The following CACNA1S variants were observed in gnomAD, a reference collection of about 807,000 sequenced individuals.
The protein encoded by CACNA1S is calcium voltage-gated channel subunit alpha1 S, also known as voltage-dependent L-type calcium channel subunit alpha-1S.
A neutral mutation model predicts 207.4 loss-of-function variants in CACNA1S; 126 were observed. The ratio of observed to expected loss-of-function variants is 0.61; its 90% CI spans 0.53 to 0.70. The LOEUF is 0.70. Ranked by LOEUF, CACNA1S falls within the 30% of genes least tolerant of loss-of-function variation. The pLI, the probability that CACNA1S is intolerant of heterozygous loss-of-function variation, is 0.00. For missense variants in CACNA1S, 2,349 were observed against 2,422.8 expected (o/e 0.97, Z 0.64); for synonymous variants, 960 against 932.7 (o/e 1.03, Z -0.53).
At chr1:201,101,644 T>C (rs567484222) in intron 2 of CACNA1S, among the ~76,000 whole-genome samples, 2 of 152,266 alleles carry the variant, frequency 1.3e-5, no homozygotes, top group East Asian at 3.9e-4. Flanking sequence ...ACACACCTTC[T>C]GGTGTCTGAT....
intron 4 of CACNA1S, 61 bp downstream of exon 4, chr1:201,091,911 T>C: frequency 6.2e-7 from 1 of 1,610,622 alleles, no homozygotes; most frequent in African/African-American, 1.3e-5. Context: ...GACCCAGAAC[T>C]GGGGGACAAG....
intron 10 of CACNA1S, among the ~76,000 whole-genome samples, chr1:201,080,742 GTT>G (rs1235311943): frequency 6.7e-6 from 1 of 148,574 alleles, no homozygotes; most frequent in Non-Finnish European, 1.5e-5. Flanking sequence ...GTTTTTTTTT[GTT>G]GTTGTTTGTT....
At chr1:201,044,258 C>A (rs1351871247) in intron 39 of CACNA1S, 70 bp downstream of exon 39, 2 of 1,597,986 alleles carry the variant, frequency 1.3e-6, no homozygotes, top group Non-Finnish European at 1.7e-6. Context: ...GGGCTCCCAG[C>A]CCTCCTCTCT....
At chr1:201,071,654 C>G (rs1661438692) in intron 16 of CACNA1S, among the ~76,000 whole-genome samples, 1 of 152,190 alleles carries the variant, frequency 6.6e-6, no homozygotes, top group Admixed American at 6.5e-5. Context: ...TTCTTTCCAG[C>G]CCCTTCCTTG....
Position 201,112,240 on chromosome 1 carries a change from G to C in CACNA1S, c.100C>G (p.Leu34Val), listed in dbSNP as rs1408297288. The C allele has an allele frequency of 1.7e-5, 28 of 1,613,866 alleles. No homozygotes were observed. The highest frequency in any genetic ancestry group is 2.2e-5 in the Non-Finnish European group (26 of 1,180,002). The change falls in exon 1 of 44, where the codon CTG (leucine) becomes GTG (valine). Residue 34 changes from leucine (L) to valine (V), a missense_variant. Physicochemically the swap from Leu to Val is conservative, Grantham distance 32. Coordinates refer to ENST00000362061, the MANE Select transcript of CACNA1S (RefSeq NM_000069.3). ...TTCCTCAGGGGGTTCTCCAGGGTCA[G>C]GCAGAACAAGGCCCGGGGTGGCCTT... ...LPRPPRALFCLTLENPLRKAC... is the reference protein window; with the variant it reads ...LPRPPRALFCVTLENPLRKAC...
In CACNA1S at chr1:201,066,981, C is replaced by T. The variant is rs1475667465; in HGVS notation, c.2563G>A (p.Gly855Arg). The part of the protein sequence containing the change: ...VEIVLKMTTY[G>R]AFLHKGSFCR... The stretch of plus-strand genomic sequence containing the variant: ...AAGGAACCCTTGTGCAGGAAGGCTC[C>T]GTAGGTCGTCATCTGGGGAGAAAGA... Residue 855 changes from glycine to arginine, a missense_variant, in exon 20 of 44, where the codon GGA (glycine) becomes AGA (arginine). Transcript: ENST00000362061. The surrounding 1 kb of genome is among the most constrained non-coding windows in gnomAD (Gnocchi z 4.3). The T allele has an allele frequency of 4.3e-6, 7 of 1,613,408 alleles. No individual in the cohort carries two copies. Among genetic ancestry groups the T allele is most frequent in the East Asian group, 4.5e-5 (2 of 44,890 alleles).
intron 7 of CACNA1S, among the ~76,000 whole-genome samples, chr1:201,085,921 A>G (rs577177724): frequency 4.3e-4 from 66 of 152,320 alleles, no homozygotes; most frequent in African/African-American, 1.6e-3. Flanking sequence ...TAACTGAATC[A>G]GCCACGGAGC....
chr1:201,040,112 T>C (rs1409943199), intron 43 of CACNA1S, 30 bp from the exon 44 acceptor site: 1 of 1,613,126 alleles, frequency 6.2e-7, no homozygotes, highest in Non-Finnish European at 8.5e-7. Flanking sequence ...CTGAGTGGGG[T>C]CTTCCTGGGG....
Position 201,061,403 on chromosome 1 carries a change from T to C in CACNA1S, c.3119A>G (p.Glu1040Gly). ...GTAGATGATGAAGAAGATGGCCATCTCCACACGGTTGTTGTAGATGGGACC... is the reference window on the plus strand; with the variant it reads ...GTAGATGATGAAGAAGATGGCCATCCCCACACGGTTGTTGTAGATGGGACC... ...DVGPIYNNRV[E>G]MAIFFIIYII... The change falls in exon 25 of 44, where the codon GAG becomes GGG. Residue 1040 changes from glutamate to glycine, a missense_variant. Glu to Gly is a moderately conservative substitution (Grantham distance 98, BLOSUM62 -2). Transcript: ENST00000362061. 1 of 1,614,230 alleles carries C rather than the reference T, an allele frequency of 6.2e-7. No homozygotes were observed. Among genetic ancestry groups the C allele is most frequent in the Non-Finnish European group, 8.5e-7 (1 of 1,180,040 alleles).
chr1:201,044,495 A>T (rs769707710), intron 38 of CACNA1S, 39 bp from the exon 39 acceptor site: 1 of 1,605,944 alleles, frequency 6.2e-7, no homozygotes, highest in Non-Finnish European at 8.5e-7. Context: ...TCTCCAGCCC[A>T]GGAGAGGAGA....
chr1:201,059,411 GC>G (rs913093348), intron 26 of CACNA1S, 112 bp from the exon 27 acceptor site: 21 of 659,850 alleles, frequency 3.2e-5, no homozygotes, highest in Non-Finnish European at 5.1e-5. Flanking sequence ...CCTTTCTTGG[GC>G]CCCCTGCTCA....
At chr1:201,088,010 A>C (rs1572059018) in intron 6 of CACNA1S, 81 bp from the exon 7 acceptor site, 4 of 882,740 alleles carry the variant, frequency 4.5e-6, no homozygotes, top group Non-Finnish European at 5.6e-6. Flanking sequence ...ACTCCACCCA[A>C]CCCTGGGGGA....
intron 26 of CACNA1S, among the ~76,000 whole-genome samples, chr1:201,060,050 G>A (rs1572034192): frequency 6.6e-6 from 1 of 152,184 alleles, no homozygotes; most frequent in Admixed American, 6.5e-5. Flanking sequence ...GATCCTCTGC[G>A]ACCTGGGCCT....
At chr1:201,087,735 T>A in intron 7 of CACNA1S, 91 bp downstream of exon 7, 232 of 522,458 alleles carry the variant, frequency 4.4e-4, no homozygotes, top group Middle Eastern at 9.7e-4. Flanking sequence ...CCACCCCTCC[T>A]GTTTCTTTTC....
chr1:201,067,206 G>C (rs1202661315), intron 19 of CACNA1S, among the ~76,000 whole-genome samples: 1 of 152,242 alleles, frequency 6.6e-6, no homozygotes, highest in Non-Finnish European at 1.5e-5. Context: ...CTCACGGGCA[G>C]CTGGGCCAGA....
intron 2 of CACNA1S, among the ~76,000 whole-genome samples, chr1:201,095,490 C>T (rs891733906): frequency 3.3e-5 from 5 of 152,084 alleles, no homozygotes; most frequent in African/African-American, 1.2e-4. Flanking sequence ...GAAGAGGTCC[C>T]CAAATGGCTC....
Position 201,083,198 on chromosome 1 carries a change from GCT to G in CACNA1S, c.1355_1356del (p.Glu452AlafsTer26). The G allele has an allele frequency of 6.2e-7, 1 of 1,614,192 alleles. No individual in the cohort carries two copies. Among genetic ancestry groups the G allele is most frequent in the Non-Finnish European group, 8.5e-7 (1 of 1,180,044 alleles). Reference sequence around the variant, plus strand: ...GTCAGCCAGAGAGGCTGGTTGTGGTGCTCTGAGGCGATAGACAGGGTGTTGAG... The same window carrying G: ...GTCAGCCAGAGAGGCTGGTTGTGGTGCTGAGGCGATAGACAGGGTGTTGAG... ...VALNTLSIAS[E>X]HHNQPLWLTR... On this transcript the variant is annotated frameshift_variant, in exon 10 of 44. Transcript: ENST00000362061. LOFTEE classifies it high-confidence loss of function.
At chr1:201,050,918 G>A in intron 33 of CACNA1S, 66 bp downstream of exon 33, 1 of 1,539,104 alleles carries the variant, frequency 6.5e-7, no homozygotes, top group East Asian at 2.3e-5. Flanking sequence ...GAAGGGGCAG[G>A]CAGGCTCCCC....
chr1:201,062,723 C>T (rs1572036597), intron 22 of CACNA1S, among the ~76,000 whole-genome samples: 2 of 152,370 alleles, frequency 1.3e-5, no homozygotes, highest in South Asian at 4.1e-4. Context: ...ATCGTTCATT[C>T]CCACAGCTCC....
Sources: gnomAD v4.1 joint callset for allele counts (sites outside exome capture counted in the v4.1 genomes callset) on GRCh38, gnomAD v4.1.1 for gene constraint, Gnocchi (gnomAD v3.1) non-coding constraint, MANE v1.5 for transcripts, NCBI Gene and HGNC (gene_info 2026-07-23, HGNC 2026-07-21) for gene names.